HMCES: variants seen among roughly 807,000 people sequenced by gnomAD.
HMCES encodes abasic site processing protein HMCES.
HMCES carries 27 observed loss-of-function variants against 35.1 expected under a neutral mutation model. That is an observed-to-expected ratio of 0.77 (90% CI 0.57 to 1.06). The LOEUF (loss-of-function observed/expected upper bound fraction) is 1.06. Among genes scored for constraint, HMCES ranks in the 50% least tolerant of loss-of-function variants. The pLI is 0.00. For synonymous variants in HMCES, 130 were observed against 154.7 expected (o/e 0.84, Z 1.18); for missense variants, 391 against 430.4 (o/e 0.91, Z 0.81).
At chr3:129,288,185 G>C (rs1313190846) in intron 2 of HMCES, among the ~76,000 whole-genome samples, 1 of 152,220 alleles carries the variant, frequency 6.6e-6, no homozygotes, top group East Asian at 1.9e-4. Context: ...TGAAGCAGGA[G>C]GATCACCTGA....
intron 4 of HMCES, 136 bp downstream of exon 4, chr3:129,290,940 C>T (rs577721941): frequency 3.9e-6 from 3 of 778,740 alleles, no homozygotes; most frequent in Admixed American, 2.8e-5. Flanking sequence ...CGGTGGCTCA[C>T]GCCTGTGATC....
At position 129,279,672 on chromosome 3, in the gene HMCES, G is replaced by C; in HGVS notation, c.-23-38G>C. The stretch of plus-strand genomic sequence containing the variant: ...TCAAGGAATAAGACCTAATATTTGA[G>C]ATACGTAAGCCTTTTCCTTACGTTT... On this transcript the variant is annotated intron_variant, in intron 1 of 6. Coordinates refer to ENST00000383463, the MANE Select transcript of HMCES (RefSeq NM_020187.3). The surrounding 1 kb of genome is among the most constrained non-coding windows in gnomAD (Gnocchi z 4.2). 1 of 1,575,806 alleles carries C rather than the reference G, an allele frequency of 6.3e-7. No individual in the cohort carries two copies. The highest frequency in any genetic ancestry group is 1.1e-5 in the South Asian group (1 of 87,680).
At chr3:129,303,212 G>A (rs1243713989) in intron 6 of HMCES, among the ~76,000 whole-genome samples, 1 of 152,172 alleles carries the variant, frequency 6.6e-6, no homozygotes, top group African/African-American at 2.4e-5. Flanking sequence ...ACATTTGGGG[G>A]TAAGGATTTA....
chr3:129,303,078 C>T (rs1266395173), intron 6 of HMCES, among the ~76,000 whole-genome samples: 1 of 152,088 alleles, frequency 6.6e-6, no homozygotes, highest in Non-Finnish European at 1.5e-5. Context: ...AGCATTCCTA[C>T]CATGAACCTT....
At chr3:129,278,959 G>A (rs1276407966) in intron 1 of HMCES, 54 bp downstream of exon 1, 1 of 151,892 alleles carries the variant, frequency 6.6e-6, no homozygotes, top group Non-Finnish European at 1.5e-5. Flanking sequence ...GGGAGGGGAG[G>A]GGAAAGGAAG....
chr3:129,282,594 A>C (rs943755798), intron 2 of HMCES, among the ~76,000 whole-genome samples: 2 of 152,172 alleles, frequency 1.3e-5, no homozygotes, highest in African/African-American at 4.8e-5. Context: ...CACATCTCTA[A>C]CAAGTTTTAT....
chr3:129,279,806 G>T lies in HMCES; in HGVS notation c.74G>T (p.Gly25Val). 1 of 1,613,656 alleles carries T rather than the reference G, an allele frequency of 6.2e-7. No individual in the cohort carries two copies. The highest frequency in any genetic ancestry group is 8.5e-7 in the Non-Finnish European group (1 of 1,179,862). ...TRACAYQDRR[G>V]QQRLPEWRDP... Reference sequence around the variant, plus strand: ...GCTTGCGCCTACCAGGATCGGCGGGGCCAGCAGCGGCTCCCGGAGTGGAGG... The same window carrying T: ...GCTTGCGCCTACCAGGATCGGCGGGTCCAGCAGCGGCTCCCGGAGTGGAGG... Residue 25 changes from glycine (G) to valine (V), a missense_variant, in exon 2 of 7, where the codon GGC becomes GTC. Coordinates refer to ENST00000383463, the MANE Select transcript of HMCES (RefSeq NM_020187.3). The surrounding 1 kb of genome is among the most constrained non-coding windows in gnomAD (Gnocchi z 4.2).
chr3:129,293,815 G>C (rs1472035310), intron 4 of HMCES, among the ~76,000 whole-genome samples: 1 of 151,990 alleles, frequency 6.6e-6, no homozygotes, highest in Admixed American at 6.6e-5. Context: ...TGATCCGCCT[G>C]CCTCAGCACC....
intron 5 of HMCES, among the ~76,000 whole-genome samples, chr3:129,298,967 A>ACCC (rs1188429934): frequency 2.6e-5 from 4 of 152,068 alleles, no homozygotes; most frequent in Non-Finnish European, 5.9e-5. Context: ...ACACGGTGAA[A>ACCC]CCCCGTCTCT....
intron 4 of HMCES, among the ~76,000 whole-genome samples, chr3:129,295,369 C>T (rs12374147): frequency 6.9e-6 from 1 of 144,722 alleles, no homozygotes; most frequent in Non-Finnish European, 1.5e-5. Context: ...CTTAGGAGGT[C>T]GAAGTTGCAG....
chr3:129,304,627 G>A lies in HMCES; in HGVS notation c.867G>A (p.Gln289=), dbSNP rs777060415. The A allele has an allele frequency of 1.9e-6, 3 of 1,614,224 alleles. No individual in the cohort carries two copies. Among genetic ancestry groups the A allele is most frequent in the Non-Finnish European group, 2.5e-6 (3 of 1,180,050 alleles). The change falls in exon 7 of 7, where the codon CAG becomes CAA. Residue 289 remains glutamine, a synonymous_variant. Transcript: ENST00000383463. ...GTGGCAGTAGCCAGAGGATGTTGCA[G>A]TGGTTGGCCACAAAGTCACCCAAAA... The part of the protein sequence containing the change: ...RASGSSQRML[Q]WLATKSPKKE...
At chr3:129,290,065 T>C (rs1466646158) in intron 3 of HMCES, among the ~76,000 whole-genome samples, 2 of 151,410 alleles carry the variant, frequency 1.3e-5, no homozygotes, top group African/African-American at 4.8e-5. Context: ...CGGACGCCTG[T>C]AGTCCCAGCT....
intron 5 of HMCES, among the ~76,000 whole-genome samples, chr3:129,301,219 A>AC (rs1553801669): frequency 5.4e-5 from 8 of 147,862 alleles, no homozygotes; most frequent in African/African-American, 1.8e-4. Context: ...AGAAAAAAAA[A>AC]AAAATATGCT....
At chr3:129,297,541 C>T (rs547919859) in intron 4 of HMCES, among the ~76,000 whole-genome samples, 15 of 152,228 alleles carry the variant, frequency 9.9e-5, no homozygotes, top group African/African-American at 3.6e-4. Flanking sequence ...CCGTCTTTTT[C>T]GAGCACTGGC....
At position 129,301,884 on chromosome 3, in the gene HMCES, C is replaced by T. The variant is rs536188187; in HGVS notation, c.636-66C>T. 36 of 1,330,138 alleles carry T rather than the reference C, an allele frequency of 2.7e-5. No homozygotes were observed. The South Asian group carries it at 4.7e-4, about 17-fold the overall frequency. 82.4% of individuals were successfully genotyped at this position (1,330,138 alleles called of 1,614,324 possible). A position where few individuals can be genotyped will look rare whatever the true frequency, so the allele number is the denominator to read the frequency against. Reference sequence around the variant, plus strand: ...ATTTGAGGTATCAGCTGACTCAAGTCTCTCTCCCTTCTCTCCTTATTCTCA... The same window carrying T: ...ATTTGAGGTATCAGCTGACTCAAGTTTCTCTCCCTTCTCTCCTTATTCTCA... On this transcript the variant is annotated intron_variant, in intron 5 of 6. Transcript: ENST00000383463.
At position 129,298,363 on chromosome 3, in the gene HMCES, A is replaced by C. The variant is rs139280747; in HGVS notation, c.463A>C (p.Ile155Leu). Residue 155 changes from isoleucine (I) to leucine (L), a missense_variant, in exon 5 of 7, where the codon ATT becomes CTT. Ile to Leu is a conservative substitution (Grantham distance 5). Transcript: ENST00000383463. ...TATATTTTGCTTCCAGTCAGGTAGC[A>C]TTGGTGCTGCAGATAGTCCTGAGAA... ...PQIKTEKSGSIGAADSPENWE... is the reference protein window; with the variant it reads ...PQIKTEKSGSLGAADSPENWE... 123 of 1,614,196 alleles carry C rather than the reference A, an allele frequency of 7.6e-5. No individual in the cohort carries two copies. In the African/African-American group the frequency reaches 1.5e-3, roughly 19 times the overall value.
At chr3:129,301,619 A>G (rs930607558) in intron 5 of HMCES, among the ~76,000 whole-genome samples, 16 of 152,194 alleles carry the variant, frequency 1.1e-4, no homozygotes, top group African/African-American at 3.1e-4. Flanking sequence ...TTGATAGACA[A>G]GTTTTCAAGA....
Position 129,305,063 on chromosome 3 carries a change from C to T in HMCES, c.*238C>T, listed in dbSNP as rs1255001843. 1.1e-5 allele frequency: 6 copies of T among 550,936 alleles called. No individual in the cohort carries two copies. Among genetic ancestry groups the T allele is most frequent in the South Asian group, 6.7e-5 (3 of 44,492 alleles). The allele number at this position is 550,936 out of a possible 1,614,324, so 34.1% of individuals were successfully genotyped here. A position where few individuals can be genotyped will look rare whatever the true frequency, so the allele number is the denominator to read the frequency against. On this transcript the variant is annotated 3_prime_UTR_variant, in exon 7 of 7. Transcript: ENST00000383463. ...CCATGTGGGCCCCATAGGGGCACTGCGCCTGCTGCCCTTTCCTGGCAGGGC... is the reference window on the plus strand; with the variant it reads ...CCATGTGGGCCCCATAGGGGCACTGTGCCTGCTGCCCTTTCCTGGCAGGGC...
At chr3:129,298,236 C>T (rs751553256) in intron 4 of HMCES, 118 bp from the exon 5 acceptor site, 36 of 883,786 alleles carry the variant, frequency 4.1e-5, no homozygotes, top group Admixed American at 1.8e-4. Context: ...GTTAATAAGA[C>T]GTGGGCTGAA....
Sources: gnomAD v4.1 joint callset for allele counts (sites outside exome capture counted in the v4.1 genomes callset) on GRCh38, gnomAD v4.1.1 for gene constraint, Gnocchi (gnomAD v3.1) non-coding constraint, MANE v1.5 for transcripts, NCBI Gene and HGNC (gene_info 2026-07-23, HGNC 2026-07-21) for gene names.